CDH13: variants seen among roughly 807,000 people sequenced by gnomAD.
CDH13 encodes the protein cadherin 13, also known as cadherin-13.
Under a neutral mutation model 63.8 loss-of-function variants are expected in CDH13, and 24 were observed. The ratio of observed to expected loss-of-function variants is 0.38; its 90% CI spans 0.27 to 0.53. The LOEUF (loss-of-function observed/expected upper bound fraction) is 0.53, where lower values mean the gene tolerates loss of function less well. CDH13 is among the 20% of genes least tolerant of loss of function. The pLI is 0.85. For missense variants in CDH13, 1,049 were observed against 903.1 expected, an observed-to-expected ratio of 1.16 and a Z score of -2.07; for synonymous variants, 503 against 355.3, an observed-to-expected ratio of 1.42 and a Z score of -4.67.
intron 7 of CDH13, among the ~76,000 whole-genome samples, chr16:83,534,472 G>A (rs1344295026): frequency 6.6e-6 from 1 of 152,166 alleles, no homozygotes; most frequent in Non-Finnish European, 1.5e-5. Context: ...CATCAAATAA[G>A]CCATCAAATG....
intron 6 of CDH13, among the ~76,000 whole-genome samples, chr16:83,435,623 TTC>T (rs1344797931): frequency 6.6e-6 from 1 of 152,186 alleles, no homozygotes; most frequent in African/African-American, 2.4e-5. Context: ...GTTCATACTG[TTC>T]TCTCTGTCTG....
At chr16:83,487,896 C>G (rs968318502) in intron 7 of CDH13, among the ~76,000 whole-genome samples, 1 of 152,200 alleles carries the variant, frequency 6.6e-6, no homozygotes, top group African/African-American at 2.4e-5. Context: ...TCAACCCCTT[C>G]TAAGAAGCTG....
At chr16:83,121,677 C>G (rs558129712) in intron 3 of CDH13, among the ~76,000 whole-genome samples, 31 of 152,216 alleles carry the variant, frequency 2.0e-4, no homozygotes, top group South Asian at 1.9e-3. Context: ...CCATTTTTGC[C>G]CCTTATAAAT....
intron 6 of CDH13, among the ~76,000 whole-genome samples, chr16:83,384,967 A>G (rs141561523): frequency 1.1e-3 from 167 of 152,270 alleles, no homozygotes; most frequent in African/African-American, 3.9e-3. Flanking sequence ...GTATATTTTT[A>G]TCTCAAATAA....
chr16:83,180,482 T>A (rs1334132411), intron 4 of CDH13, among the ~76,000 whole-genome samples: 1 of 152,206 alleles, frequency 6.6e-6, no homozygotes, highest in East Asian at 1.9e-4. Context: ...CATGAGACTT[T>A]TAACGTAGGA....
intron 1 of CDH13, among the ~76,000 whole-genome samples, chr16:82,778,925 G>T (rs780843583): frequency 6.6e-6 from 1 of 152,078 alleles, no homozygotes; most frequent in Non-Finnish European, 1.5e-5. Flanking sequence ...TACAAGTGTT[G>T]GTCTGAAGAA....
intron 4 of CDH13, among the ~76,000 whole-genome samples, chr16:83,142,040 G>A (rs1395878601): frequency 6.6e-6 from 1 of 152,138 alleles, no homozygotes; most frequent in Non-Finnish European, 1.5e-5. Context: ...TTTCCCACCT[G>A]TGTATCCCAC....
At chr16:82,823,001 T>TTGAGGCTGGAACTGC (rs1474912265) in intron 1 of CDH13, among the ~76,000 whole-genome samples, 1 of 151,978 alleles carries the variant, frequency 6.6e-6, no homozygotes, top group African/African-American at 2.4e-5. Context: ...CCTCTGAGGG[T>TTGAGGCTGGAACTGC]TGAGGCTGGA....
In CDH13 at chr16:83,799,912, G is replaced by T. The variant is rs552584466; in HGVS notation, c.*4882G>T. 2.6e-5 allele frequency: 4 copies of T among 152,068 alleles called. No individual in the cohort carries two copies. Among genetic ancestry groups the T allele is most frequent in the Non-Finnish European group, 4.4e-5 (3 of 68,014 alleles). 9.4% of individuals were successfully genotyped at this position (152,068 alleles called of 1,614,324 possible). A position where few individuals can be genotyped will look rare whatever the true frequency, so the allele number is the denominator to read the frequency against. ...CAAAAAATGGTGGGAATGGGTGTGT[G>T]TATGAGGGTTTCAGATAAGAACTTC... On this transcript the variant is annotated 3_prime_UTR_variant, in exon 14 of 14. Transcript: ENST00000567109.
intron 6 of CDH13, among the ~76,000 whole-genome samples, chr16:83,458,707 A>G (rs1000388590): frequency 6.6e-6 from 1 of 152,148 alleles, no homozygotes; most frequent in African/African-American, 2.4e-5. Flanking sequence ...TCTTCTTTAT[A>G]TACTGTCTTT....
chr16:83,159,447 TG>T (rs11316754), intron 4 of CDH13, among the ~76,000 whole-genome samples: 6,153 of 152,314 alleles, frequency 0.04, 150 homozygotes, highest in East Asian at 0.11. Flanking sequence ...GGGTCAGTCT[TG>T]TGGCGTTTAT....
intron 1 of CDH13, among the ~76,000 whole-genome samples, chr16:82,697,452 CAG>C (rs2030455975): frequency 9.7e-6 from 1 of 103,192 alleles, no homozygotes; most frequent in African/African-American, 3.7e-5. Flanking sequence ...TTTTTTGAGA[CAG>C]AGTCTCACTC....
At chr16:83,776,671 G>C (rs1409367877) in intron 11 of CDH13, among the ~76,000 whole-genome samples, 1 of 152,134 alleles carries the variant, frequency 6.6e-6, no homozygotes, top group Non-Finnish European at 1.5e-5. Context: ...TCTTCCAAAA[G>C]TGTCACCAGT....
chr16:83,484,938 AC>A (rs1320196940), intron 6 of CDH13, among the ~76,000 whole-genome samples: 1 of 152,204 alleles, frequency 6.6e-6, no homozygotes, highest in Non-Finnish European at 1.5e-5. Flanking sequence ...GGGAAACAGA[AC>A]CATGTTGTTC....
chr16:82,788,362 C>G (rs986641049), intron 1 of CDH13, among the ~76,000 whole-genome samples: 1 of 152,148 alleles, frequency 6.6e-6, no homozygotes, highest in African/African-American at 2.4e-5. Context: ...GGCTGAGTCC[C>G]AAGAGCCATG....
At position 83,122,695 on chromosome 16, in the gene CDH13, A is replaced by T. The variant is rs142681809; in HGVS notation, c.367-2690A>T. ...TTGCTTTTTATTTTTTATTTTTAAAATTTTTTTTGAAGACTCTTAACAAAG... is the reference window on the plus strand; with the variant it reads ...TTGCTTTTTATTTTTTATTTTTAAATTTTTTTTTGAAGACTCTTAACAAAG... On this transcript the variant is annotated intron_variant, in intron 3 of 13. Transcript: ENST00000567109. Among the ~76,000 whole-genome samples the T allele has an allele frequency of 7.1e-3, 1,087 of 152,158 alleles. 10 individuals carry two copies. Among genetic ancestry groups the T allele is most frequent in the African/African-American group, 0.02 (851 of 41,516 alleles).
chr16:83,281,420 A>T (rs1294280215), intron 5 of CDH13, among the ~76,000 whole-genome samples: 2 of 152,194 alleles, frequency 1.3e-5, no homozygotes, highest in African/African-American at 2.4e-5. Flanking sequence ...GAGTAGTTTG[A>T]TCTTTTATCC....
chr16:83,092,359 A>T (rs925597338), intron 3 of CDH13, among the ~76,000 whole-genome samples: 1 of 152,204 alleles, frequency 6.6e-6, no homozygotes, highest in African/African-American at 2.4e-5. Context: ...TACTGTTAGT[A>T]CAGATCATCT....
chr16:82,781,371 G>A (rs2035746073), intron 1 of CDH13, among the ~76,000 whole-genome samples: 1 of 152,062 alleles, frequency 6.6e-6, no homozygotes. Context: ...ACTTATACAA[G>A]GGCTTGGTAT....
Sources: allele counts gnomAD v4.1 joint callset (sites outside exome capture counted in the v4.1 genomes callset), GRCh38; gene constraint gnomAD v4.1.1; transcripts MANE v1.5; gene names NCBI Gene and HGNC (gene_info 2026-07-23, HGNC 2026-07-21).